Variants in ST6GAL1 observed in about 807,000 individuals in gnomAD.
ST6GAL1 encodes beta-galactoside alpha-2,6-sialyltransferase 1.
In ST6GAL1, 20 loss-of-function variants were observed where a neutral mutation model predicts 38.0. The ratio of observed to expected loss-of-function variants is 0.53; its 90% CI spans 0.37 to 0.77. The LOEUF (loss-of-function observed/expected upper bound fraction) is 0.77, where lower values mean the gene tolerates loss of function less well. Ranked by LOEUF, ST6GAL1 falls within the 30% of genes least tolerant of loss-of-function variation. The pLI is 0.00. For synonymous variants in ST6GAL1, 196 were observed against 188.2 expected (o/e 1.04, Z -0.34); for missense variants, 432 against 496.4 (o/e 0.87, Z 1.23).
chr3:186,984,747 C>CCTCCCTTCCTTCCTTCCTTCT (rs1715819560), intron 2 of ST6GAL1, among the ~76,000 whole-genome samples: 1 of 31,664 alleles, frequency 3.2e-5, no homozygotes, highest in Non-Finnish European at 6.7e-5. Flanking sequence ...TCCTTCCCTC[C>CCTCCCTTCCTTCCTTCCTTCT]CTCCCTCCCT....
chr3:186,947,556 G>C (rs1433728958), intron 1 of ST6GAL1, among the ~76,000 whole-genome samples: 1 of 152,110 alleles, frequency 6.6e-6, no homozygotes, highest in Non-Finnish European at 1.5e-5. Context: ...TTTATGTTTA[G>C]ATTGGTATTT....
In ST6GAL1 at chr3:186,952,240, C is replaced by CTCATTA. The variant is rs1714602772; in HGVS notation, c.-324-11545_-324-11544insTCATTA. On this transcript the variant is annotated intron_variant, in intron 1 of 7. Transcript: ENST00000169298. The surrounding 1 kb of genome is among the most constrained non-coding windows in gnomAD (Gnocchi z 4.1). ...CTCTTCTCTCATTCTCATTTAAACT[C>CTCATTA]AACATGATCAGTCTTTTGTACCCAT... Among the ~76,000 whole-genome samples the CTCATTA allele has an allele frequency of 6.6e-6, 1 of 152,112 alleles. No homozygotes were observed. The highest frequency in any genetic ancestry group is 1.5e-5 in the Non-Finnish European group (1 of 68,028).
chr3:187,008,011 G>T (rs1336989423), intron 2 of ST6GAL1, among the ~76,000 whole-genome samples: 1 of 152,046 alleles, frequency 6.6e-6, no homozygotes, highest in Non-Finnish European at 1.5e-5. Flanking sequence ...AAAATGAAAA[G>T]CCTTTCATGG....
intron 2 of ST6GAL1, among the ~76,000 whole-genome samples, chr3:186,998,982 A>G (rs1716514406): frequency 6.6e-6 from 1 of 152,272 alleles, no homozygotes; most frequent in Admixed American, 6.5e-5. Flanking sequence ...GAAGCTGGAA[A>G]GCAACAGAAC....
At position 186,986,010 on chromosome 3, in the gene ST6GAL1, G is replaced by A. The variant is rs1432603853; in HGVS notation, c.-183+22084G>A. 2.6e-5 allele frequency among the ~76,000 whole-genome samples: 4 copies of A among 152,116 alleles called. No individual in the cohort carries two copies. The East Asian group carries it at 7.7e-4, about 29-fold the overall frequency. On this transcript the variant is annotated intron_variant, in intron 2 of 7. Coordinates refer to ENST00000169298, the MANE Select transcript of ST6GAL1 (RefSeq NM_173216.2). Reference sequence around the variant, plus strand: ...GCCTGTTTGAAATAAGTATTGGAAAGGACTCTTTAGATTTTGCAATTAGAA... The same window carrying A: ...GCCTGTTTGAAATAAGTATTGGAAAAGACTCTTTAGATTTTGCAATTAGAA...
chr3:187,070,961 CT>C (rs1349923472), intron 5 of ST6GAL1, among the ~76,000 whole-genome samples: 2 of 152,214 alleles, frequency 1.3e-5, no homozygotes, highest in African/African-American at 4.8e-5. Context: ...AGAGTATATT[CT>C]TCAGGCTTCC....
At chr3:187,071,776 CAAAAAAAAAA>C (rs11330261) in intron 5 of ST6GAL1, among the ~76,000 whole-genome samples, 2 of 72,344 alleles carry the variant, frequency 2.8e-5, no homozygotes, top group East Asian at 9.3e-4. Flanking sequence ...GACTCCGCCT[CAAAAAAAAAA>C]AAAAAAAAAG....
chr3:186,992,654 GCATGTGGTGGCGGGCACC>G (rs1333875401), intron 2 of ST6GAL1, among the ~76,000 whole-genome samples: 1 of 152,070 alleles, frequency 6.6e-6, no homozygotes, highest in Non-Finnish European at 1.5e-5. Flanking sequence ...AAAATTAGCT[GCATGTGGTGGCGGGCACC>G]CATAATCTCA....
intron 2 of ST6GAL1, among the ~76,000 whole-genome samples, chr3:187,030,112 A>C (rs1458648637): frequency 6.6e-6 from 1 of 152,244 alleles, no homozygotes; most frequent in Non-Finnish European, 1.5e-5. Context: ...ATATCCTAAA[A>C]GTGGATATTA....
At position 187,005,854 on chromosome 3, in the gene ST6GAL1, C is replaced by T. The variant is rs931279919; in HGVS notation, c.-182-32888C>T. On this transcript the variant is annotated intron_variant, in intron 2 of 7. Coordinates refer to ENST00000169298, the MANE Select transcript of ST6GAL1 (RefSeq NM_173216.2). ...ATATGGTCAGAGGGCTGTGGGAGCACACAGAAGGGAAGGACCGACCAACAG... is the reference window on the plus strand; with the variant it reads ...ATATGGTCAGAGGGCTGTGGGAGCATACAGAAGGGAAGGACCGACCAACAG... 2.0e-5 allele frequency among the ~76,000 whole-genome samples: 3 copies of T among 152,254 alleles called. 1 individual carries two copies. The highest frequency in any genetic ancestry group is 6.8e-3 in the Middle Eastern group (2 of 294).
At chr3:187,015,646 C>T (rs1717090411) in intron 2 of ST6GAL1, among the ~76,000 whole-genome samples, 1 of 152,024 alleles carries the variant, frequency 6.6e-6, no homozygotes, top group Non-Finnish European at 1.5e-5. Context: ...CAAGACCAGC[C>T]TGGGCAATGT....
chr3:187,039,158 A>G (rs1468597352), intron 3 of ST6GAL1, among the ~76,000 whole-genome samples: 2 of 152,144 alleles, frequency 1.3e-5, no homozygotes, highest in Non-Finnish European at 1.5e-5. Flanking sequence ...CACGAATGCA[A>G]CTGGTACTGA....
intron 2 of ST6GAL1, among the ~76,000 whole-genome samples, chr3:187,034,880 A>G (rs1354220668): frequency 6.6e-6 from 1 of 152,236 alleles, no homozygotes; most frequent in Non-Finnish European, 1.5e-5. Context: ...CTTCTATTCA[A>G]CATAGTATTG....
intron 1 of ST6GAL1, among the ~76,000 whole-genome samples, chr3:186,947,430 T>A (rs1714408848): frequency 6.6e-6 from 1 of 152,208 alleles, no homozygotes; most frequent in Non-Finnish European, 1.5e-5. Context: ...GTTTTTCTAT[T>A]GTGCTATGAT....
intron 5 of ST6GAL1, among the ~76,000 whole-genome samples, chr3:187,066,001 A>G (rs1356713055): frequency 6.6e-6 from 1 of 152,238 alleles, no homozygotes; most frequent in Non-Finnish European, 1.5e-5. Context: ...CCAGCACTTT[A>G]AATCACCAAA....
intron 1 of ST6GAL1, among the ~76,000 whole-genome samples, chr3:186,932,588 C>T (rs934363379): frequency 6.6e-5 from 10 of 152,192 alleles, no homozygotes; most frequent in Non-Finnish European, 1.5e-4. Flanking sequence ...ATAAGGCCAG[C>T]TACGGAGACT....
intron 2 of ST6GAL1, among the ~76,000 whole-genome samples, chr3:186,996,030 C>A (rs1221753807): frequency 6.6e-6 from 1 of 152,124 alleles, no homozygotes; most frequent in Admixed American, 6.6e-5. Context: ...ATGTACCATT[C>A]CTCTCACAAA....
intron 1 of ST6GAL1, among the ~76,000 whole-genome samples, chr3:186,957,169 G>A (rs1484551042): frequency 1.3e-5 from 2 of 152,150 alleles, no homozygotes; most frequent in Non-Finnish European, 2.9e-5. Flanking sequence ...TGTGCTGGGC[G>A]CGGTGGCTCA....
rs748102251 is a variant in ST6GAL1, at chr3:187,072,877, A to G, written c.734A>G (p.Lys245Arg). ...GTTACCACAGAGAAGCGCTTCCTCA[A>G]AGACAGTTTGTACAATGAAGGAATC... ...QLVTTEKRFL[K>R]DSLYNEGILI... The change falls in exon 6 of 8, where the codon AAA becomes AGA. Residue 245 changes from lysine (K) to arginine (R), a missense_variant. By Grantham distance (26) the Lys-to-Arg change is conservative. Transcript: ENST00000169298. 1.9e-5 allele frequency: 31 copies of G among 1,613,882 alleles called. No homozygotes were observed. The highest frequency in any genetic ancestry group is 3.3e-5 in the Admixed American group (2 of 59,992).
Sources: gnomAD v4.1 joint callset for allele counts (sites outside exome capture counted in the v4.1 genomes callset) on GRCh38, gnomAD v4.1.1 for gene constraint, Gnocchi (gnomAD v3.1) non-coding constraint, MANE v1.5 for transcripts, NCBI Gene and HGNC (gene_info 2026-07-23, HGNC 2026-07-21) for gene names.